Variants in TIMM22 observed in about 807,000 individuals in gnomAD.
TIMM22 encodes translocase of inner mitochondrial membrane 22.
TIMM22 carries 12 observed loss-of-function variants against 18.3 expected under a neutral mutation model. The ratio of observed to expected loss-of-function variants is 0.65; its 90% CI spans 0.42 to 1.06. TIMM22 has a LOEUF of 1.06. Among genes scored for constraint, TIMM22 ranks in the 50% least tolerant of loss-of-function variants. The pLI is 0.00. For missense variants in TIMM22, 278 were observed against 252.8 expected, an observed-to-expected ratio of 1.10 and a Z score of -0.68; for synonymous variants, 107 against 98.5, an observed-to-expected ratio of 1.09 and a Z score of -0.51.
rs1206906043 is a variant in TIMM22 at position 999,498 on chromosome 17, T to C, written c.436-14T>C. 2 of 1,612,928 alleles carry C rather than the reference T, an allele frequency of 1.2e-6. No individual in the cohort carries two copies. The highest frequency in any genetic ancestry group is 1.7e-6 in the Non-Finnish European group (2 of 1,179,494). On this transcript the variant is annotated splice_polypyrimidine_tract_variant and intron_variant, in intron 2 of 3. Transcript: ENST00000327158. ...TTGTTTCTTTGGCTCTAACGTGTAC[T>C]TCCCTGCCCACAGTACCGGGGAACA... is the stretch of plus-strand genomic sequence containing the variant.
chr17:998,507 G>A (rs2069707292), intron 1 of TIMM22, among the ~76,000 whole-genome samples: 1 of 152,216 alleles, frequency 6.6e-6, no homozygotes, highest in African/African-American at 2.4e-5. Context: ...GTTTACATAT[G>A]AGAGAATGTA....
At chr17:997,441 G>A in intron 1 of TIMM22, 61 bp downstream of exon 1, 2 of 1,523,164 alleles carry the variant, frequency 1.3e-6, no homozygotes, top group Non-Finnish European at 1.8e-6. Flanking sequence ...GGGGATCTCT[G>A]CCGAGAAGAC....
At chr17:1,000,812 T>G (rs2069736569) in intron 3 of TIMM22, among the ~76,000 whole-genome samples, 200 bp from the exon 4 acceptor site, 1 of 152,238 alleles carries the variant, frequency 6.6e-6, no homozygotes, top group South Asian at 2.1e-4. Context: ...GGAGAAAAGC[T>G]AAACAAATGT....
chr17:997,407 G>C, intron 1 of TIMM22, 27 bp downstream of exon 1: 1 of 1,604,002 alleles, frequency 6.2e-7, no homozygotes, highest in Non-Finnish European at 8.5e-7. Context: ...GGACCCTTGG[G>C]AGGCTGAGGG....
In TIMM22 at chr17:1,001,125, G is replaced by T; in HGVS notation, c.*37G>T. 1.2e-6 allele frequency: 2 copies of T among 1,608,310 alleles called. No individual in the cohort carries two copies. Among genetic ancestry groups the T allele is most frequent in the Non-Finnish European group, 1.7e-6 (2 of 1,176,056 alleles). ...TGCAGGGAAGGATGATGCCAGCCCC[G>T]GATCCGGGCTGCTCTCTGGAGGACA... On this transcript the variant is annotated 3_prime_UTR_variant, in exon 4 of 4. Transcript: ENST00000327158.
intron 3 of TIMM22, among the ~76,000 whole-genome samples, chr17:1,000,655 C>T (rs2069735128): frequency 6.6e-6 from 1 of 152,230 alleles, no homozygotes; most frequent in Non-Finnish European, 1.5e-5. Context: ...GTCTCCAGTA[C>T]TGCTTTGATC....
chr17:997,855 C>T (rs967404157), intron 1 of TIMM22, among the ~76,000 whole-genome samples: 2 of 152,206 alleles, frequency 1.3e-5, no homozygotes, highest in Non-Finnish European at 2.9e-5. Context: ...CTTCATTCAT[C>T]CGTTCATTCC....
chr17:1,000,739 TTC>T (rs1169725833), intron 3 of TIMM22, among the ~76,000 whole-genome samples: 1 of 152,234 alleles, frequency 6.6e-6, no homozygotes, highest in African/African-American at 2.4e-5. Context: ...CGAGGGCTGC[TTC>T]TCTCAACCAG....
In TIMM22 at chr17:1,001,788, C is replaced by T. The variant is rs1276705449; in HGVS notation, c.*700C>T. The T allele has an allele frequency of 6.6e-6, 1 of 152,220 alleles. No individual in the cohort carries two copies. Among genetic ancestry groups the T allele is most frequent in the Non-Finnish European group, 1.5e-5 (1 of 68,084 alleles). The allele number at this position is 152,220 out of a possible 1,614,324, so 9.4% of individuals were successfully genotyped here. On this transcript the variant is annotated 3_prime_UTR_variant, in exon 4 of 4. Coordinates refer to ENST00000327158, the MANE Select transcript of TIMM22 (RefSeq NM_013337.4). The stretch of plus-strand genomic sequence containing the variant: ...CAGGGTTGTTAGAGGACTGTGTCAT[C>T]CTCACCAAGCTCATTACATCTGCCA...
rs958255537 is a variant in TIMM22, at chr17:1,002,030, G to A, written c.*942G>A. ...CAGCTACTGGCCAAGATCAGACGTC[G>A]CTGAGGGGCTGTTCACCACCATCCT... On this transcript the variant is annotated 3_prime_UTR_variant, in exon 4 of 4. Transcript: ENST00000327158. 10 of 152,186 alleles carry A rather than the reference G, an allele frequency of 6.6e-5. No homozygotes were observed. The highest frequency in any genetic ancestry group is 9.7e-5 in the African/African-American group (4 of 41,432). The allele number at this position is 152,186 out of a possible 1,614,324, so 9.4% of individuals were successfully genotyped here.
At chr17:998,583 T>TA (rs754230072) in intron 1 of TIMM22, among the ~76,000 whole-genome samples, 196 bp from the exon 2 acceptor site, 35 of 152,240 alleles carry the variant, frequency 2.3e-4, no homozygotes, top group South Asian at 8.3e-4. Flanking sequence ...GAAGAAATCT[T>TA]AGAGACGGAG....
At chr17:998,720 C>T in intron 1 of TIMM22, 59 bp from the exon 2 acceptor site, 1 of 1,553,468 alleles carries the variant, frequency 6.4e-7, no homozygotes, top group Non-Finnish European at 8.8e-7. Context: ...CAGGATGATC[C>T]CAATAGAGTA....
rs2069693034 is a variant in TIMM22, at chr17:997,318, A to G, written c.176A>G (p.Gln59Arg). 1 of 1,613,904 alleles carries G rather than the reference A, an allele frequency of 6.2e-7. No individual in the cohort carries two copies. Among genetic ancestry groups the G allele is most frequent in the Non-Finnish European group, 8.5e-7 (1 of 1,179,968 alleles). Reference protein sequence around the residue: ...GIPSPAKSEEQKMIEKAMESC... With the variant: ...GIPSPAKSEERKMIEKAMESC... ...CCAAGTCCAGCCAAGAGTGAGGAGC[A>G]GAAGATGATCGAGAAGGCGATGGAA... is the stretch of plus-strand genomic sequence containing the variant. Residue 59 changes from glutamine to arginine, a missense_variant, in exon 1 of 4, where the codon CAG (glutamine) becomes CGG (arginine). Coordinates refer to ENST00000327158, the MANE Select transcript of TIMM22 (RefSeq NM_013337.4).
intron 3 of TIMM22, 105 bp from the exon 4 acceptor site, chr17:1,000,907 T>C: frequency 6.4e-6 from 7 of 1,097,284 alleles, no homozygotes; most frequent in South Asian, 1.3e-5. Flanking sequence ...TGACTTACAG[T>C]GCTTAAGCTC....
chr17:999,358 T>TATATATATATATATATATACATACAC lies in TIMM22; in HGVS notation c.436-153_436-152insTATATATATATATATATACATACACA, dbSNP rs1408779709. Among the ~76,000 whole-genome samples the TATATATATATATATATATACATACAC allele has an allele frequency of 4.5e-5, 6 of 132,602 alleles. 1 individual carries two copies. Among genetic ancestry groups the TATATATATATATATATATACATACAC allele is most frequent in the African/African-American group, 1.6e-4 (5 of 31,260 alleles). The allele number at this position is 132,602 out of a possible 152,430, so 87.0% of individuals were successfully genotyped here. ...ATATATATATATATATATATATATA[T>TATATATATATATATATATACATACAC]ACACGCTGTATACTTAGGAACTATA... On this transcript the variant is annotated intron_variant, in intron 2 of 3. Coordinates refer to ENST00000327158, the MANE Select transcript of TIMM22 (RefSeq NM_013337.4).
chr17:1,000,898 G>T (rs570402971), intron 3 of TIMM22, 114 bp from the exon 4 acceptor site: 2 of 1,007,344 alleles, frequency 2.0e-6, no homozygotes, highest in African/African-American at 3.2e-5. Context: ...TCGTTTGAAT[G>T]ACTTACAGTG....
chr17:999,829 A>G (rs73279389), intron 3 of TIMM22, among the ~76,000 whole-genome samples: 2,881 of 152,170 alleles, frequency 0.019, 113 homozygotes, highest in African/African-American at 0.066. Flanking sequence ...TGTTTTGTGC[A>G]TTCTAAGACG....
intron 3 of TIMM22, among the ~76,000 whole-genome samples, chr17:1,000,631 T>G (rs755290500): frequency 7.9e-5 from 12 of 152,230 alleles, no homozygotes; most frequent in Non-Finnish European, 1.3e-4. Flanking sequence ...AGGGCCTCTT[T>G]GAGAAGCTCT....
rs750503258 is a variant in TIMM22 at position 997,278 on chromosome 17, AGCCTGGGC to A, written c.138_145del (p.Ser46ArgfsTer9). ...TCAGCCCCGGCTCCTGGAGCCTGGG[AGCCTGGGC>A]GGGATCCCAAGTCCAGCCAAGAGTG... On this transcript the variant is annotated frameshift_variant, in exon 1 of 4. Transcript: ENST00000327158. LOFTEE classifies it high-confidence loss of function. The A allele has an allele frequency of 5.0e-6, 8 of 1,613,644 alleles. No homozygotes were observed. The highest frequency in any genetic ancestry group is 2.2e-5 in the South Asian group (2 of 91,084).
Sources: allele counts gnomAD v4.1 joint callset (sites outside exome capture counted in the v4.1 genomes callset), GRCh38; gene constraint gnomAD v4.1.1; transcripts MANE v1.5; gene names NCBI Gene and HGNC (gene_info 2026-07-23, HGNC 2026-07-21).